BICC1: variants seen among roughly 807,000 people sequenced by gnomAD.
The protein encoded by BICC1 is BicC family RNA binding protein 1, also known as protein bicaudal C homolog 1.
BICC1 carries 43 observed loss-of-function variants against 111.0 expected under a neutral mutation model. The ratio of observed to expected loss-of-function variants is 0.39; its 90% confidence interval spans 0.30 to 0.50. The LOEUF (loss-of-function observed/expected upper bound fraction) is 0.50, where lower values mean the gene tolerates loss of function less well. Among genes scored for constraint, BICC1 ranks in the 20% least tolerant of loss-of-function variants. The pLI is 0.88. For missense variants in BICC1, 1,091 were observed against 1,203.2 expected (o/e 0.91, Z 1.38); for synonymous variants, 467 against 434.4 (o/e 1.07, Z -0.93).
chr10:58,801,309 G>A (rs1429080132), intron 14 of BICC1, among the ~76,000 whole-genome samples: 1 of 152,052 alleles, frequency 6.6e-6, no homozygotes, highest in Non-Finnish European at 1.5e-5. Flanking sequence ...TGAAACTGTA[G>A]CATTCTCTCT....
At chr10:58,675,562 A>C (rs934007769) in intron 2 of BICC1, among the ~76,000 whole-genome samples, 1 of 152,028 alleles carries the variant, frequency 6.6e-6, no homozygotes. Flanking sequence ...GTGGAAAATA[A>C]AAAAAAATCA....
chr10:58,796,261 T>G, intron 9 of BICC1, 79 bp from the exon 10 acceptor site: 1 of 1,256,520 alleles, frequency 8.0e-7, no homozygotes. Flanking sequence ...GCGTATTCAT[T>G]TTCCACCTCC....
At chr10:58,731,424 C>T (rs1183004549) in intron 3 of BICC1, among the ~76,000 whole-genome samples, 1 of 152,208 alleles carries the variant, frequency 6.6e-6, no homozygotes, top group Non-Finnish European at 1.5e-5. Flanking sequence ...GAACCTCTTC[C>T]TATTACCCAG....
At position 58,551,834 on chromosome 10, in the gene BICC1, G is replaced by C. The variant is rs910170330; in HGVS notation, c.190+38501G>C. On this transcript the variant is annotated intron_variant, in intron 1 of 20. Transcript: ENST00000373886. ...AATTTGTGCTGTTTTAAGTTGCTAA[G>C]TTTGTATTATTTTGTTACAGCAGCA... 5.3e-5 allele frequency among the ~76,000 whole-genome samples: 8 copies of C among 152,052 alleles called. No homozygotes were observed. The South Asian group carries it at 1.0e-3, about 20-fold the overall frequency.
At chr10:58,619,325 T>G (rs1845720881) in intron 1 of BICC1, among the ~76,000 whole-genome samples, 1 of 152,166 alleles carries the variant, frequency 6.6e-6, no homozygotes, top group South Asian at 2.1e-4. Context: ...CTGCAATCTG[T>G]TGTTTGGATA....
chr10:58,513,681 C>T (rs1842161487), intron 1 of BICC1, among the ~76,000 whole-genome samples: 1 of 152,232 alleles, frequency 6.6e-6, no homozygotes, highest in Admixed American at 6.5e-5. Flanking sequence ...ACCACTCGGG[C>T]CGCACAGAGT....
At chr10:58,631,773 A>G (rs1342896177) in intron 2 of BICC1, among the ~76,000 whole-genome samples, 1 of 152,220 alleles carries the variant, frequency 6.6e-6, no homozygotes, top group Non-Finnish European at 1.5e-5. Context: ...CAGAAAAATA[A>G]CCAGCTTCAA....
intron 3 of BICC1, among the ~76,000 whole-genome samples, chr10:58,776,800 C>T (rs1410766948): frequency 6.6e-6 from 1 of 152,160 alleles, no homozygotes; most frequent in Non-Finnish European, 1.5e-5. Context: ...CCTCCTGGCA[C>T]TTCATTTTCT....
chr10:58,547,199 C>G (rs1246238999), intron 1 of BICC1, among the ~76,000 whole-genome samples: 1 of 152,066 alleles, frequency 6.6e-6, no homozygotes, highest in Admixed American at 6.6e-5. Context: ...ACCTGCTGTT[C>G]TTTTTCTATT....
intron 2 of BICC1, among the ~76,000 whole-genome samples, chr10:58,665,107 G>A (rs1403236996): frequency 2.0e-5 from 3 of 152,066 alleles, no homozygotes; most frequent in African/African-American, 7.2e-5. Context: ...TTATTACTTG[G>A]TAAAAAGTTC....
intron 1 of BICC1, among the ~76,000 whole-genome samples, chr10:58,521,493 T>A (rs1051330251): frequency 4.6e-5 from 7 of 152,030 alleles, no homozygotes; most frequent in Non-Finnish European, 7.4e-5. Context: ...CATGGAAATT[T>A]TAAGGTTCCT....
At chr10:58,679,000 A>G (rs570392997) in intron 2 of BICC1, among the ~76,000 whole-genome samples, 1 of 152,366 alleles carries the variant, frequency 6.6e-6, no homozygotes, top group South Asian at 2.1e-4. Context: ...GAACGAAGAC[A>G]CAATGTACCA....
chr10:58,768,458 G>A (rs1339926752), intron 3 of BICC1, among the ~76,000 whole-genome samples: 5 of 152,058 alleles, frequency 3.3e-5, no homozygotes, highest in Admixed American at 2.0e-4. Context: ...AATGGTAAAC[G>A]AAATTGTTCA....
At chr10:58,555,334 T>TA (rs1843418731) in intron 1 of BICC1, among the ~76,000 whole-genome samples, 4 of 135,626 alleles carry the variant, frequency 2.9e-5, no homozygotes, top group African/African-American at 1.2e-4. Flanking sequence ...TTTTTTTTTT[T>TA]AGGTGGCTGA....
chr10:58,753,691 C>CACAG (rs1842055185), intron 3 of BICC1, among the ~76,000 whole-genome samples: 1 of 147,386 alleles, frequency 6.8e-6, no homozygotes, highest in Non-Finnish European at 1.5e-5. Context: ...CACACACAGA[C>CACAG]ACACACACAC....
intron 3 of BICC1, among the ~76,000 whole-genome samples, chr10:58,728,256 G>T (rs949685734): frequency 2.6e-5 from 4 of 152,152 alleles, no homozygotes; most frequent in Non-Finnish European, 5.9e-5. Context: ...CTGAAACTCT[G>T]CCACTGCTTT....
chr10:58,548,779 G>A (rs1393298178), intron 1 of BICC1, among the ~76,000 whole-genome samples: 3 of 152,054 alleles, frequency 2.0e-5, no homozygotes, highest in African/African-American at 7.2e-5. Flanking sequence ...GCATATAAGA[G>A]TTATCTATGT....
At chr10:58,626,438 C>T (rs2132158123) in intron 2 of BICC1, among the ~76,000 whole-genome samples, 1 of 152,274 alleles carries the variant, frequency 6.6e-6, no homozygotes, top group South Asian at 2.1e-4. Context: ...GTTGTTTAGT[C>T]ATCATCTAGA....
intron 1 of BICC1, among the ~76,000 whole-genome samples, chr10:58,595,858 A>C (rs922031048): frequency 3.9e-5 from 6 of 152,228 alleles, no homozygotes; most frequent in African/African-American, 1.4e-4. Flanking sequence ...AGAAATAACT[A>C]AGATCAGAGC....
Sources: allele counts gnomAD v4.1 joint callset (sites outside exome capture counted in the v4.1 genomes callset), GRCh38; gene constraint gnomAD v4.1.1; transcripts MANE v1.5; gene names NCBI Gene and HGNC (gene_info 2026-07-23, HGNC 2026-07-21).